Variants in SLC17A9 observed in about 807,000 individuals in gnomAD.
The protein encoded by SLC17A9 is voltage-gated purine nucleotide uniporter SLC17A9.
Under a neutral mutation model 55.0 loss-of-function variants are expected in SLC17A9, and 49 were observed. That is an observed-to-expected ratio of 0.89 (90% CI 0.71 to 1.13). The LOEUF is 1.13. SLC17A9 is among the 50% of genes most tolerant of loss of function. The pLI is 0.00. For missense variants in SLC17A9, 526 were observed against 569.3 expected (o/e 0.92, Z 0.77); for synonymous variants, 256 against 247.4 (o/e 1.03, Z -0.32).
chr20:62,954,776 G>T (rs2065521970), intron 1 of SLC17A9, among the ~76,000 whole-genome samples: 1 of 152,272 alleles, frequency 6.6e-6, no homozygotes, highest in East Asian at 1.9e-4. Flanking sequence ...ACGTAGGGCA[G>T]ATTGCTTGCC....
intron 6 of SLC17A9, 83 bp downstream of exon 6, chr20:62,963,452 C>A: frequency 6.5e-7 from 1 of 1,527,236 alleles, no homozygotes; most frequent in Non-Finnish European, 8.9e-7. Flanking sequence ...ACCTGACAGC[C>A]CTTGAGCCAG....
In SLC17A9 at chr20:62,964,294, T is replaced by C. The variant is rs2065615996; in HGVS notation, c.889T>C (p.Ser297Pro). ...GGCCAGTCTATTCAGCGGGTTTCTC[T>C]CTGATCATCTCATCAATCAGGGTGA... The part of the protein sequence containing the change: ...IPASLFSGFL[S>P]DHLINQGYRA... The change falls in exon 8 of 13, where the codon TCT becomes CCT. Residue 297 changes from serine (S) to proline (P), a missense_variant. Coordinates refer to ENST00000370351, the MANE Select transcript of SLC17A9 (RefSeq NM_022082.4). The C allele has an allele frequency of 6.2e-7, 1 of 1,614,030 alleles. No individual in the cohort carries two copies. The highest frequency in any genetic ancestry group is 8.5e-7 in the Non-Finnish European group (1 of 1,179,988).
intron 1 of SLC17A9, chr20:62,953,219 A>G (rs1245247477): frequency 1.3e-6 from 2 of 1,550,354 alleles, no homozygotes; most frequent in Non-Finnish European, 1.7e-6. Flanking sequence ...AGGTGGAACC[A>G]CCCTGTGTAT....
At chr20:62,961,614 G>A (rs1026866043) in intron 4 of SLC17A9, among the ~76,000 whole-genome samples, 2 of 152,194 alleles carry the variant, frequency 1.3e-5, no homozygotes, top group African/African-American at 4.8e-5. Flanking sequence ...TCAGAGGGGC[G>A]GAGGCGGCCC....
chr20:62,957,910 T>C lies in SLC17A9; in HGVS notation c.397+330T>C, dbSNP rs370784710. ...CCGCGTGCATGCGTGCACCTGTGTG[T>C]GTGTGCGTGTGCAAGTGCATATGTC... On this transcript the variant is annotated intron_variant, in intron 3 of 12. Coordinates refer to ENST00000370351, the MANE Select transcript of SLC17A9 (RefSeq NM_022082.4). 2.9e-3 allele frequency among the ~76,000 whole-genome samples: 434 copies of C among 151,556 alleles called. 2 individuals carry two copies. Among genetic ancestry groups the C allele is most frequent in the African/African-American group, 9.3e-3 (381 of 41,050 alleles).
intron 10 of SLC17A9, 85 bp downstream of exon 10, chr20:62,965,810 CCT>C (rs1158376871): frequency 6.2e-6 from 8 of 1,285,840 alleles, no homozygotes; most frequent in Non-Finnish European, 8.9e-6. Flanking sequence ...GCTCTGTCCG[CCT>C]CTCTCAGTCT....
intron 12 of SLC17A9, 189 bp from the exon 13 acceptor site, chr20:62,967,148 C>T: frequency 1.5e-6 from 1 of 661,544 alleles, no homozygotes; most frequent in Non-Finnish European, 2.6e-6. Flanking sequence ...GATCTCTGCC[C>T]CTCCAAGACC....
intron 8 of SLC17A9, chr20:62,964,883 T>A (rs1464936300): frequency 1.8e-6 from 1 of 553,282 alleles, no homozygotes; most frequent in Non-Finnish European, 3.2e-6. Context: ...CTGTAACTGC[T>A]GTGTGGCTGT....
chr20:62,964,741 T>C (rs2065619957), intron 8 of SLC17A9, among the ~76,000 whole-genome samples: 2 of 152,202 alleles, frequency 1.3e-5, no homozygotes, highest in Admixed American at 1.3e-4. Flanking sequence ...GCCCACATGC[T>C]CTCTCCACAC....
chr20:62,955,171 G>A (rs2065525887), intron 1 of SLC17A9, among the ~76,000 whole-genome samples: 1 of 150,998 alleles, frequency 6.6e-6, no homozygotes, highest in East Asian at 1.9e-4. Context: ...CTCGCTAGGT[G>A]GAGTCTCACT....
rs1041296202 is a variant in SLC17A9, at chr20:62,967,794, T to C, written c.*294T>C. 1.8e-5 allele frequency: 6 copies of C among 327,530 alleles called. No individual in the cohort carries two copies. The highest frequency in any genetic ancestry group is 1.1e-4 in the African/African-American group (5 of 46,824). The allele number at this position is 327,530 out of a possible 1,614,324, so 20.3% of individuals were successfully genotyped here. A position where few individuals can be genotyped will look rare whatever the true frequency, so the allele number is the denominator to read the frequency against. Reference sequence around the variant, plus strand: ...TGGCCGTCAGGGTGGGTGGGGTTATTGTTAGTAGGCGCAGCCTCATTCCCA... The same window carrying C: ...TGGCCGTCAGGGTGGGTGGGGTTATCGTTAGTAGGCGCAGCCTCATTCCCA... On this transcript the variant is annotated 3_prime_UTR_variant, in exon 13 of 13. Transcript: ENST00000370351.
chr20:62,956,797 T>C lies in SLC17A9; in HGVS notation c.92T>C (p.Leu31Pro). 6.2e-7 allele frequency: 1 copy of C among 1,612,744 alleles called. No individual in the cohort carries two copies. The change falls in exon 2 of 13, where the codon CTG (leucine) becomes CCG (proline). Residue 31 changes from leucine (L) to proline (P), a missense_variant. Leu to Pro is a moderately conservative substitution (Grantham distance 98). Transcript: ENST00000370351. Reference sequence around the variant, plus strand: ...TGCCAGGCATGGACGGGGACGCTGCTGCTGGGCACATGCCTTCTGTACTGC... The same window carrying C: ...TGCCAGGCATGGACGGGGACGCTGCCGCTGGGCACATGCCTTCTGTACTGC... ...PECQAWTGTL[L>P]LGTCLLYCAR...
rs1195516951 is a variant in SLC17A9, at chr20:62,968,520, A to G, written c.*1020A>G. 6.6e-6 allele frequency: 1 copy of G among 152,274 alleles called. No homozygotes were observed. The highest frequency in any genetic ancestry group is 1.5e-5 in the Non-Finnish European group (1 of 68,050). 9.4% of individuals were successfully genotyped at this position (152,274 alleles called of 1,614,324 possible). On this transcript the variant is annotated 3_prime_UTR_variant, in exon 13 of 13. Transcript: ENST00000370351. The stretch of plus-strand genomic sequence containing the variant: ...GATACATCTTGCAAGGTGTACACAT[A>G]GAGAAAAAAACCTAAAAATGTGGAA...
In SLC17A9 at chr20:62,962,620, G is replaced by A; in HGVS notation, c.498-4G>A. 1 of 1,613,592 alleles carries A rather than the reference G, an allele frequency of 6.2e-7. No individual in the cohort carries two copies. Reference sequence around the variant, plus strand: ...GCCTGGCCACACTCCCCCTGTCTTTGCAGGACGCTGCTGACCGGGGCGGTG... The same window carrying A: ...GCCTGGCCACACTCCCCCTGTCTTTACAGGACGCTGCTGACCGGGGCGGTG... On this transcript the variant is annotated splice_region_variant and splice_polypyrimidine_tract_variant and intron_variant, in intron 4 of 12. Coordinates refer to ENST00000370351, the MANE Select transcript of SLC17A9 (RefSeq NM_022082.4). This position sits in a 1 kb window ranked among gnomAD's most constrained non-coding sequence, Gnocchi z 5.5.
Position 62,958,964 on chromosome 20 carries a change from G to A in SLC17A9, c.397+1384G>A, listed in dbSNP as rs1011746728. On this transcript the variant is annotated intron_variant, in intron 3 of 12. Coordinates refer to ENST00000370351, the MANE Select transcript of SLC17A9 (RefSeq NM_022082.4). The surrounding 1 kb of genome is among the most constrained non-coding windows in gnomAD (Gnocchi z 4.1). ...ACTGTGAGGCCCCATCCCAGAGCCA[G>A]CCCCTCCAGCATCACCGCCTCCCCA... 1.3e-5 allele frequency among the ~76,000 whole-genome samples: 2 copies of A among 152,306 alleles called. No individual in the cohort carries two copies. Among genetic ancestry groups the A allele is most frequent in the Non-Finnish European group, 2.9e-5 (2 of 68,012 alleles).
chr20:62,954,070 C>T (rs902053604), intron 1 of SLC17A9, among the ~76,000 whole-genome samples: 2 of 136,826 alleles, frequency 1.5e-5, no homozygotes, highest in Non-Finnish European at 3.2e-5. Flanking sequence ...AAAAGGAGCC[C>T]TTGCCGCAGC....
rs1189401983 is a variant in SLC17A9, at chr20:62,966,574, C to G, written c.1111C>G (p.Leu371Val). 6.3e-7 allele frequency: 1 copy of G among 1,584,890 alleles called. No individual in the cohort carries two copies. The highest frequency in any genetic ancestry group is 1.8e-5 in the Admixed American group (1 of 55,546). Residue 371 changes from leucine (L) to valine (V), a missense_variant, in exon 11 of 13, where the codon CTG becomes GTG. Physicochemically the swap from Leu to Val is conservative, Grantham distance 32. Coordinates refer to ENST00000370351, the MANE Select transcript of SLC17A9 (RefSeq NM_022082.4). ...CTTGGCCCCGTCCTGCGCCGGCTTT[C>G]TGTTTGGTGAGGACCTTGCCTTACC... ...QDLAPSCAGF[L>V]FGVANTAGAL...
At position 62,962,712 on chromosome 20, in the gene SLC17A9, C is replaced by T. The variant is rs1601094463; in HGVS notation, c.586C>T (p.Leu196Phe). The T allele has an allele frequency of 6.2e-7, 1 of 1,614,086 alleles. No individual in the cohort carries two copies. The highest frequency in any genetic ancestry group is 8.5e-7 in the Non-Finnish European group (1 of 1,179,972). Residue 196 changes from leucine (L) to phenylalanine (F), a missense_variant, in exon 5 of 13, where the codon CTT (leucine) becomes TTT (phenylalanine). By Grantham distance (22) the Leu-to-Phe change is conservative. Coordinates refer to ENST00000370351, the MANE Select transcript of SLC17A9 (RefSeq NM_022082.4). This position sits in a 1 kb window ranked among gnomAD's most constrained non-coding sequence, Gnocchi z 5.5. ...IFYFSGGLTL[L>F]WVWYVYRYLL... ...CTATTTCTCCGGCGGCCTCACCTTG[C>T]TTTGGGTGTGGTACGTGTACAGGTA...
chr20:62,956,071 C>G (rs529217027), intron 1 of SLC17A9, among the ~76,000 whole-genome samples: 1 of 152,242 alleles, frequency 6.6e-6, no homozygotes, highest in Non-Finnish European at 1.5e-5. Flanking sequence ...TGTCAGAGGA[C>G]GCAGCTCTGG....
Sources: allele counts gnomAD v4.1 joint callset (sites outside exome capture counted in the v4.1 genomes callset), GRCh38; gene constraint gnomAD v4.1.1; non-coding constraint Gnocchi (gnomAD v3.1); transcripts MANE v1.5; gene names NCBI Gene and HGNC (gene_info 2026-07-23, HGNC 2026-07-21).